TMTC2: variants seen among roughly 807,000 people sequenced by gnomAD.
TMTC2 encodes the protein transmembrane O-mannosyltransferase targeting cadherins 2.
A neutral mutation model predicts 82.4 loss-of-function variants in TMTC2; 43 were observed. The observed-to-expected ratio is 0.52, with a 90% CI of 0.41 to 0.67. The LOEUF (loss-of-function observed/expected upper bound fraction) is 0.67. TMTC2 is among the 30% of genes least tolerant of loss of function. The pLI, the probability that TMTC2 is intolerant of heterozygous loss-of-function variation, is 0.00. For missense variants in TMTC2, 919 were observed against 1,012.4 expected (o/e 0.91, Z 1.25); for synonymous variants, 408 against 381.9 (o/e 1.07, Z -0.80).
intron 9 of TMTC2, among the ~76,000 whole-genome samples, chr12:83,049,339 G>A (rs1271331004): frequency 3.3e-5 from 5 of 151,982 alleles, no homozygotes; most frequent in Admixed American, 2.0e-4. Flanking sequence ...GTAGCTCCTC[G>A]TGTCCATTGT....
intron 1 of TMTC2, among the ~76,000 whole-genome samples, chr12:82,713,859 C>T (rs571292674): frequency 6.6e-6 from 1 of 152,150 alleles, no homozygotes; most frequent in Non-Finnish European, 1.5e-5. Context: ...ATTTGAGGCT[C>T]CACTGGCTCT....
chr12:82,855,799 G>C (rs1186771043), intron 1 of TMTC2, among the ~76,000 whole-genome samples: 1 of 152,154 alleles, frequency 6.6e-6, no homozygotes. Context: ...ATTTTCAACA[G>C]CTTTATTCTG....
intron 1 of TMTC2, among the ~76,000 whole-genome samples, chr12:82,795,522 A>G (rs1158874893): frequency 6.6e-6 from 1 of 152,048 alleles, no homozygotes; most frequent in Non-Finnish European, 1.5e-5. Context: ...CATCCCCTCC[A>G]AAATTCCGGT....
rs1555196769 is a variant in TMTC2, at chr12:82,912,939, G to GGA, written c.1483+16293_1483+16294insGA. ...GGGTGACAGAGTTGAGACCTTGTCT[G>GGA]AAAAAAAAAAAAAAAAGAATGGGTG... On this transcript the variant is annotated intron_variant, in intron 3 of 11. Transcript: ENST00000321196. Among the ~76,000 whole-genome samples, 103 of 126,918 alleles carry GGA rather than the reference G, an allele frequency of 8.1e-4. 1 individual carries two copies. The East Asian group carries it at 0.011, about 13-fold the overall frequency. 83.3% of individuals were successfully genotyped at this position (126,918 alleles called of 152,430 possible).
chr12:82,774,836 C>T (rs1335907530), intron 1 of TMTC2, among the ~76,000 whole-genome samples: 2 of 151,796 alleles, frequency 1.3e-5, no homozygotes, highest in Non-Finnish European at 1.5e-5. Context: ...TGCTCTCTCT[C>T]GTTTGCTGCC....
chr12:83,019,722 C>A (rs1880829241), intron 8 of TMTC2, among the ~76,000 whole-genome samples: 1 of 152,190 alleles, frequency 6.6e-6, no homozygotes, highest in African/African-American at 2.4e-5. Flanking sequence ...ATTATTCTGT[C>A]TGAATTTATA....
chr12:82,906,255 G>C (rs1050250402), intron 3 of TMTC2, among the ~76,000 whole-genome samples: 1 of 152,112 alleles, frequency 6.6e-6, no homozygotes, highest in Non-Finnish European at 1.5e-5. Flanking sequence ...TAACCAGCTA[G>C]CTTTGAAATG....
intron 2 of TMTC2, among the ~76,000 whole-genome samples, chr12:82,884,286 T>C (rs1872979851): frequency 1.3e-5 from 2 of 152,198 alleles, no homozygotes; most frequent in African/African-American, 4.8e-5. Context: ...GCATCCTTTC[T>C]TGATACTTGC....
At chr12:83,054,830 AT>A (rs1374461733) in intron 10 of TMTC2, among the ~76,000 whole-genome samples, 1 of 152,034 alleles carries the variant, frequency 6.6e-6, no homozygotes, top group Non-Finnish European at 1.5e-5. Flanking sequence ...GATGATCTTC[AT>A]TCATCATAAT....
intron 3 of TMTC2, among the ~76,000 whole-genome samples, chr12:82,907,239 G>A (rs1874368401): frequency 1.3e-5 from 2 of 151,774 alleles, no homozygotes; most frequent in Non-Finnish European, 2.9e-5. Context: ...CAAGTCGGGT[G>A]AATCATGAGG....
intron 1 of TMTC2, among the ~76,000 whole-genome samples, chr12:82,839,716 C>T (rs1565773193): frequency 6.6e-6 from 1 of 152,132 alleles, no homozygotes; most frequent in Non-Finnish European, 1.5e-5. Flanking sequence ...AAGATGTACC[C>T]AAGGTCAGCT....
At chr12:82,881,064 C>T (rs532688999) in intron 2 of TMTC2, among the ~76,000 whole-genome samples, 41 of 151,986 alleles carry the variant, frequency 2.7e-4, no homozygotes, top group African/African-American at 9.4e-4. Flanking sequence ...GAAAAAAATA[C>T]GAGATTTTAA....
rs1872363296 is a variant in TMTC2 at position 82,687,387 on chromosome 12, C to G, written c.-200C>G. 4 of 599,310 alleles carry G rather than the reference C, an allele frequency of 6.7e-6. No individual in the cohort carries two copies. Among genetic ancestry groups the G allele is most frequent in the African/African-American group, 1.9e-5 (1 of 53,420 alleles). 37.1% of individuals were successfully genotyped at this position (599,310 alleles called of 1,614,324 possible). A position where few individuals can be genotyped will look rare whatever the true frequency, so the allele number is the denominator to read the frequency against. ...GGTGTGAGCCCGCACCCGGGGAGGA[C>G]GCAGGAGCTGCGGAGACGGGCGCGA... is the stretch of plus-strand genomic sequence containing the variant. On this transcript the variant is annotated 5_prime_UTR_variant, in exon 1 of 12. Coordinates refer to ENST00000321196, the MANE Select transcript of TMTC2 (RefSeq NM_152588.3).
At chr12:82,756,518 C>G (rs1289874599) in intron 1 of TMTC2, among the ~76,000 whole-genome samples, 1 of 152,128 alleles carries the variant, frequency 6.6e-6, no homozygotes, top group African/African-American at 2.4e-5. Flanking sequence ...CAGATTTGGT[C>G]ACAGCATGGG....
At chr12:82,706,711 GACTTT>G (rs931060927) in intron 1 of TMTC2, among the ~76,000 whole-genome samples, 2 of 152,280 alleles carry the variant, frequency 1.3e-5, no homozygotes, top group Admixed American at 1.3e-4. Flanking sequence ...GAGAAAACTT[GACTTT>G]ACTTGGTAAG....
chr12:83,022,359 A>G (rs1592699631), intron 8 of TMTC2, among the ~76,000 whole-genome samples: 1 of 44,934 alleles, frequency 2.2e-5, no homozygotes, highest in Non-Finnish European at 4.9e-5. Context: ...ATCACACATA[A>G]CCCTCCCCCC....
chr12:82,869,868 A>T (rs902901215), intron 2 of TMTC2, among the ~76,000 whole-genome samples: 8 of 151,578 alleles, frequency 5.3e-5, no homozygotes, highest in South Asian at 2.1e-4. Flanking sequence ...AAATAAAAAT[A>T]AAAAAAATAA....
At chr12:82,993,839 C>G (rs910510089) in intron 8 of TMTC2, among the ~76,000 whole-genome samples, 1 of 151,970 alleles carries the variant, frequency 6.6e-6, no homozygotes, top group Non-Finnish European at 1.5e-5. Context: ...TTTAGAGAAA[C>G]GGGGGAGATA....
At chr12:82,772,494 C>T (rs867573189) in intron 1 of TMTC2, among the ~76,000 whole-genome samples, 10 of 152,076 alleles carry the variant, frequency 6.6e-5, no homozygotes, top group South Asian at 2.1e-4. Flanking sequence ...TTCAAGAACC[C>T]AGTCAACTCT....
Sources: allele counts gnomAD v4.1 joint callset (sites outside exome capture counted in the v4.1 genomes callset), GRCh38; gene constraint gnomAD v4.1.1; transcripts MANE v1.5; gene names NCBI Gene and HGNC (gene_info 2026-07-23, HGNC 2026-07-21).